Variants in SLC22A14 observed in about 807,000 individuals in gnomAD.
The protein encoded by SLC22A14 is solute carrier family 22 member 14.
Under a neutral mutation model 53.9 loss-of-function variants are expected in SLC22A14, and 50 were observed. The ratio of observed to expected loss-of-function variants is 0.93; its 90% CI spans 0.74 to 1.17. SLC22A14 has a LOEUF of 1.17. Among genes scored for constraint, SLC22A14 ranks in the 50% most tolerant of loss-of-function variants. The pLI is 0.00. For synonymous variants in SLC22A14, 312 were observed against 303.0 expected, an observed-to-expected ratio of 1.03 and a Z score of -0.31; for missense variants, 671 against 734.7, an observed-to-expected ratio of 0.91 and a Z score of 1.00.
In SLC22A14 at chr3:38,308,976, G is replaced by C; in HGVS notation, c.798G>C (p.Glu266Asp). Residue 266 changes from glutamate (E) to aspartate (D), a missense_variant, in exon 5 of 11, where the codon GAG (glutamate) becomes GAC (aspartate). Physicochemically the swap from Glu to Asp is conservative, Grantham distance 45. Transcript: ENST00000448498. ...CAGCCACTGAGTGGTTAGTGGGTGA[G>C]CACCGGGCCCATGCCATTATCCTGG... is the stretch of plus-strand genomic sequence containing the variant. ...ISLATEWLVG[E>D]HRAHAIILGH... is the part of the protein sequence containing the mutation. 6.2e-7 allele frequency: 1 copy of C among 1,614,140 alleles called. No homozygotes were observed. Among genetic ancestry groups the C allele is most frequent in the Non-Finnish European group, 8.5e-7 (1 of 1,179,942 alleles).
chr3:38,291,826 CT>C (rs1333226083), intron 1 of SLC22A14, among the ~76,000 whole-genome samples: 1 of 152,202 alleles, frequency 6.6e-6, no homozygotes, highest in African/African-American at 2.4e-5. Flanking sequence ...TGGGTATTGG[CT>C]TTTTGAGTTT....
At chr3:38,285,768 T>A (rs1703778184) in intron 1 of SLC22A14, among the ~76,000 whole-genome samples, 1 of 152,228 alleles carries the variant, frequency 6.6e-6, no homozygotes, top group Non-Finnish European at 1.5e-5. Flanking sequence ...CTGGATCATA[T>A]GTACAAATGG....
At chr3:38,313,970 C>G in intron 8 of SLC22A14, 29 bp downstream of exon 8, 1 of 1,577,184 alleles carries the variant, frequency 6.3e-7, no homozygotes, top group Non-Finnish European at 8.7e-7. Flanking sequence ...CTGTGGCCTG[C>G]CCACAGCCTT....
At chr3:38,293,829 T>G (rs1399437396) in intron 1 of SLC22A14, among the ~76,000 whole-genome samples, 1 of 152,220 alleles carries the variant, frequency 6.6e-6, no homozygotes, top group Non-Finnish European at 1.5e-5. Flanking sequence ...CATCCTATCA[T>G]TGACCTGACT....
At chr3:38,312,211 C>T (rs1704486514) in intron 5 of SLC22A14, among the ~76,000 whole-genome samples, 1 of 152,132 alleles carries the variant, frequency 6.6e-6, no homozygotes, top group African/African-American at 2.4e-5. Flanking sequence ...GTACCAGTCC[C>T]CAAGTACATA....
intron 1 of SLC22A14, among the ~76,000 whole-genome samples, chr3:38,299,928 G>GT (rs1292415242): frequency 2.6e-5 from 4 of 152,226 alleles, no homozygotes; most frequent in African/African-American, 4.8e-5. Flanking sequence ...GGATATTTAG[G>GT]TTTTTTCCCA....
In SLC22A14 at chr3:38,309,032, TGCTGACAGGGATC is replaced by T; in HGVS notation, c.857_869del (p.Leu286ProfsTer18). 3 of 1,614,096 alleles carry T rather than the reference TGCTGACAGGGATC, an allele frequency of 1.9e-6. No homozygotes were observed. The Admixed American group carries it at 5.0e-5, about 27-fold the overall frequency. On this transcript the variant is annotated frameshift_variant, in exon 5 of 11. Coordinates refer to ENST00000448498, the MANE Select transcript of SLC22A14 (RefSeq NM_001320033.2). LOFTEE classifies it high-confidence loss of function. Reference sequence around the variant, plus strand: ...TGCTTTTTCGCTGTTGGGGCCGTGTTGCTGACAGGGATCGCCTACAGTCTTCCCCACTGGCAGC... The same window carrying T: ...TGCTTTTTCGCTGTTGGGGCCGTGTTGCCTACAGTCTTCCCCACTGGCAGC...
chr3:38,295,563 G>A (rs945604290), intron 1 of SLC22A14, among the ~76,000 whole-genome samples: 1 of 152,084 alleles, frequency 6.6e-6, no homozygotes, highest in Non-Finnish European at 1.5e-5. Flanking sequence ...GTATTGGAGT[G>A]TTATAGGGTC....
chr3:38,289,700 A>G (rs1703869958), intron 1 of SLC22A14, among the ~76,000 whole-genome samples: 2 of 152,208 alleles, frequency 1.3e-5, no homozygotes, highest in Non-Finnish European at 2.9e-5. Flanking sequence ...CGGAGTGGCA[A>G]TGGGCGCCTC....
At chr3:38,316,806 C>A (rs1704635813) in intron 10 of SLC22A14, among the ~76,000 whole-genome samples, 1 of 152,222 alleles carries the variant, frequency 6.6e-6, no homozygotes, top group Admixed American at 6.5e-5. Flanking sequence ...GGGTGCATTG[C>A]CTTTGGGCAT....
intron 4 of SLC22A14, among the ~76,000 whole-genome samples, chr3:38,308,421 G>A (rs546102751): frequency 1.6e-3 from 251 of 152,356 alleles, no homozygotes; most frequent in African/African-American, 5.7e-3. Flanking sequence ...AACTTGCACA[G>A]GGCCACACGG....
chr3:38,306,673 C>T (rs185912516), intron 2 of SLC22A14, 131 bp downstream of exon 2: 21 of 880,478 alleles, frequency 2.4e-5, no homozygotes, highest in Non-Finnish European at 3.3e-5. Flanking sequence ...CCTGCAGAGG[C>T]AGGGTCTGGG....
At chr3:38,313,688 G>GCGCGCGCT (rs752608776) in intron 7 of SLC22A14, 39 bp from the exon 8 acceptor site, 2 of 1,361,476 alleles carry the variant, frequency 1.5e-6, no homozygotes, top group Non-Finnish European at 2.1e-6. Context: ...GTGTGTGTGC[G>GCGCGCGCT]CGCGTGTGCA....
intron 1 of SLC22A14, among the ~76,000 whole-genome samples, chr3:38,300,172 G>C (rs1389791029): frequency 6.6e-6 from 1 of 152,166 alleles, no homozygotes; most frequent in Non-Finnish European, 1.5e-5. Context: ...AGGTGCAGTG[G>C]CTCACGCCTG....
At chr3:38,309,500 G>C (rs1038445382) in intron 5 of SLC22A14, among the ~76,000 whole-genome samples, 1 of 152,186 alleles carries the variant, frequency 6.6e-6, no homozygotes, top group Admixed American at 6.5e-5. Context: ...GGGTTGAGGA[G>C]TGACTAGGAG....
upstream of SLC22A14, among the ~76,000 whole-genome samples, chr3:38,279,280 T>A (rs563441067): frequency 2.6e-5 from 4 of 152,344 alleles, no homozygotes; most frequent in East Asian, 7.7e-4. Flanking sequence ...GGGCACAATG[T>A]GTCTCTCAGG....
Position 38,307,532 on chromosome 3 carries a change from G to C in SLC22A14, c.621-34G>C, listed in dbSNP as rs367908128. ...GGCTGGGGCCAGCCCGGGAGATCCCGGCACTTGGTGCAGCCTCCCTTTGAC... is the reference window on the plus strand; with the variant it reads ...GGCTGGGGCCAGCCCGGGAGATCCCCGCACTTGGTGCAGCCTCCCTTTGAC... On this transcript the variant is annotated intron_variant, in intron 3 of 10. Coordinates refer to ENST00000448498, the MANE Select transcript of SLC22A14 (RefSeq NM_001320033.2). This position sits in a 1 kb window ranked among gnomAD's most constrained non-coding sequence, Gnocchi z 4.4. The C allele has an allele frequency of 1.9e-6, 3 of 1,607,986 alleles. No individual in the cohort carries two copies. The highest frequency in any genetic ancestry group is 1.3e-5 in the African/African-American group (1 of 74,820).
intron 5 of SLC22A14, among the ~76,000 whole-genome samples, chr3:38,310,917 G>A (rs998637224): frequency 6.6e-6 from 1 of 152,080 alleles, no homozygotes; most frequent in Admixed American, 6.6e-5. Context: ...ATCATTCTCC[G>A]GGTTTATGTA....
chr3:38,285,224 G>A (rs903253347), intron 1 of SLC22A14, among the ~76,000 whole-genome samples: 1 of 152,212 alleles, frequency 6.6e-6, no homozygotes, highest in Non-Finnish European at 1.5e-5. Context: ...CACCACAGTG[G>A]GGGACTGCTG....
Sources: allele counts gnomAD v4.1 joint callset (sites outside exome capture counted in the v4.1 genomes callset), GRCh38; gene constraint gnomAD v4.1.1; non-coding constraint Gnocchi (gnomAD v3.1); transcripts MANE v1.5; gene names NCBI Gene and HGNC (gene_info 2026-07-23, HGNC 2026-07-21).